Variants in WBP1L observed in about 807,000 individuals in gnomAD.
The protein encoded by WBP1L is WW domain binding protein 1 like, also known as WW domain binding protein 1-like.
A neutral mutation model predicts 33.7 loss-of-function variants in WBP1L; 17 were observed. That is an observed-to-expected ratio of 0.50 (90% CI 0.34 to 0.76). The LOEUF is 0.76. WBP1L is among the 30% of genes least tolerant of loss of function. The pLI is 0.01. For missense variants in WBP1L, 389 were observed against 469.4 expected, an observed-to-expected ratio of 0.83 and a Z score of 1.58; for synonymous variants, 173 against 190.8, an observed-to-expected ratio of 0.91 and a Z score of 0.77.
intron 1 of WBP1L, among the ~76,000 whole-genome samples, chr10:102,796,238 ATGT>A (rs1193919457): frequency 2.0e-5 from 3 of 152,100 alleles, no homozygotes; most frequent in Non-Finnish European, 4.4e-5. Flanking sequence ...TCTGCGTGCA[ATGT>A]TGTGAGGGCC....
chr10:102,798,806 T>C (rs973330315), intron 2 of WBP1L, among the ~76,000 whole-genome samples: 1 of 152,208 alleles, frequency 6.6e-6, no homozygotes, highest in African/African-American at 2.4e-5. Flanking sequence ...TGCCATTTTC[T>C]TGTAAGGACC....
chr10:102,800,981 T>G (rs542151897), intron 2 of WBP1L, among the ~76,000 whole-genome samples: 3 of 152,286 alleles, frequency 2.0e-5, no homozygotes, highest in East Asian at 3.9e-4. Flanking sequence ...AAAATGCCAT[T>G]TCTACCCACC....
In WBP1L at chr10:102,810,914, T is replaced by C. The variant is rs369437743; in HGVS notation, c.355+860T>C. On this transcript the variant is annotated intron_variant, in intron 3 of 3. Coordinates refer to ENST00000448841, the MANE Select transcript of WBP1L (RefSeq NM_001083913.2). Reference sequence around the variant, plus strand: ...TCCTTTCCCTCCCCTCCCCTCCCCTTCCTCTTTCTTTTCCTTTCTCTTTCT... The same window carrying C: ...TCCTTTCCCTCCCCTCCCCTCCCCTCCCTCTTTCTTTTCCTTTCTCTTTCT... 1.4e-3 allele frequency among the ~76,000 whole-genome samples: 175 copies of C among 126,104 alleles called. 1 individual carries two copies. Among genetic ancestry groups the C allele is most frequent in the African/African-American group, 4.7e-3 (158 of 33,294 alleles). 82.7% of individuals were successfully genotyped at this position (126,104 alleles called of 152,430 possible).
At chr10:102,799,258 G>C (rs1018749061) in intron 2 of WBP1L, among the ~76,000 whole-genome samples, 1 of 152,056 alleles carries the variant, frequency 6.6e-6, no homozygotes, top group Non-Finnish European at 1.5e-5. Flanking sequence ...CCCGGGAGGC[G>C]GAGGTTGCAG....
chr10:102,784,546 C>T (rs929456059), intron 1 of WBP1L, among the ~76,000 whole-genome samples: 2 of 151,444 alleles, frequency 1.3e-5, no homozygotes, highest in East Asian at 2.0e-4. Flanking sequence ...CTGCCCCAGC[C>T]TCCCAAGTAG....
intron 1 of WBP1L, among the ~76,000 whole-genome samples, chr10:102,769,356 C>CTTTTTTTTTTTTTTTTTTTTTT (rs376863934): frequency 7.4e-6 from 1 of 134,664 alleles, no homozygotes; most frequent in African/African-American, 2.6e-5. Flanking sequence ...TTTCTTTTTT[C>CTTTTTTTTTTTTTTTTTTTTTT]TTTCTTTTTT....
At position 102,813,429 on chromosome 10, in the gene WBP1L, C is replaced by T; in HGVS notation, c.*98C>T. On this transcript the variant is annotated 3_prime_UTR_variant, in exon 4 of 4. Transcript: ENST00000448841. Reference sequence around the variant, plus strand: ...GTGACTTTCAAAGACTTTCAGAGTACAGCCACTTGGTTCCTTTTTGTTTGT... The same window carrying T: ...GTGACTTTCAAAGACTTTCAGAGTATAGCCACTTGGTTCCTTTTTGTTTGT... 1.4e-6 allele frequency: 2 copies of T among 1,438,338 alleles called. No homozygotes were observed. The allele number at this position is 1,438,338 out of a possible 1,614,324, so 89.1% of individuals were successfully genotyped here.
At chr10:102,759,499 CT>C (rs1843013057) in intron 1 of WBP1L, among the ~76,000 whole-genome samples, 1 of 152,202 alleles carries the variant, frequency 6.6e-6, no homozygotes, top group South Asian at 2.1e-4. Flanking sequence ...CCTTCAGTCT[CT>C]TGCCTTGGCA....
intron 1 of WBP1L, among the ~76,000 whole-genome samples, chr10:102,768,871 G>T (rs1346113683): frequency 6.6e-6 from 1 of 151,398 alleles, no homozygotes; most frequent in Non-Finnish European, 1.5e-5. Context: ...GTATTTTTTA[G>T]TAGAGACGGG....
Position 102,776,327 on chromosome 10 carries a change from T to C in WBP1L, c.91-21666T>C, listed in dbSNP as rs1161345917. ...ACAGGCCCACCAGGGGCAATGCTCA[T>C]TCCAAGACCTTAACTTTTAAGAGCC... On this transcript the variant is annotated intron_variant, in intron 1 of 3. Transcript: ENST00000448841. 6.8e-6 allele frequency: 11 copies of C among 1,613,658 alleles called. No individual in the cohort carries two copies. The East Asian group carries it at 2.5e-4, about 36-fold the overall frequency.
intron 1 of WBP1L, among the ~76,000 whole-genome samples, chr10:102,778,026 A>G (rs1843289989): frequency 6.6e-6 from 1 of 152,188 alleles, no homozygotes. Context: ...TGGGAGCTGG[A>G]AAGACCTGCG....
At chr10:102,746,829 TACAATCTTTTTTTTACATGC>T (rs995030193) in intron 1 of WBP1L, among the ~76,000 whole-genome samples, 7 of 150,648 alleles carry the variant, frequency 4.6e-5, no homozygotes, top group Non-Finnish European at 8.8e-5. Context: ...CTACTTACAA[TACAATCTTTTTTTTACATGC>T]ACAATCTTTT....
intron 1 of WBP1L, among the ~76,000 whole-genome samples, chr10:102,748,607 A>T (rs144766498): frequency 8.5e-5 from 13 of 152,336 alleles, no homozygotes; most frequent in African/African-American, 3.1e-4. Context: ...GGCATCAAAG[A>T]ATGGACATTT....
At chr10:102,784,226 T>C (rs1446211713) in intron 1 of WBP1L, among the ~76,000 whole-genome samples, 1 of 152,100 alleles carries the variant, frequency 6.6e-6, no homozygotes, top group Non-Finnish European at 1.5e-5. Flanking sequence ...TACATACAAC[T>C]TAAAGAAAAA....
chr10:102,788,427 T>G (rs1373363544), intron 1 of WBP1L, among the ~76,000 whole-genome samples: 4 of 151,982 alleles, frequency 2.6e-5, no homozygotes, highest in Non-Finnish European at 4.4e-5. Context: ...ACTTTCTAAT[T>G]GTAAAAATAT....
In WBP1L at chr10:102,789,703, A is replaced by G. The variant is rs534633810; in HGVS notation, c.91-8290A>G. Reference sequence around the variant, plus strand: ...CCTTTGTCACTCTGCAGTTTCATACAGTGTACCTAGGTGTGGGCTTCTTAT... The same window carrying G: ...CCTTTGTCACTCTGCAGTTTCATACGGTGTACCTAGGTGTGGGCTTCTTAT... On this transcript the variant is annotated intron_variant, in intron 1 of 3. Transcript: ENST00000448841. 3.3e-5 allele frequency among the ~76,000 whole-genome samples: 5 copies of G among 151,196 alleles called. No homozygotes were observed. In the South Asian group the frequency reaches 1.0e-3, roughly 32 times the overall value.
chr10:102,760,378 T>TTCTTTC (rs112322962), intron 1 of WBP1L, among the ~76,000 whole-genome samples: 48 of 104,196 alleles, frequency 4.6e-4, no homozygotes, highest in African/African-American at 1.3e-3. Flanking sequence ...CTTTCTTTCT[T>TTCTTTC]TTTTTTTTTT....
chr10:102,778,369 C>T (rs917308754), intron 1 of WBP1L, among the ~76,000 whole-genome samples: 7 of 152,166 alleles, frequency 4.6e-5, no homozygotes, highest in African/African-American at 7.2e-5. Context: ...CTTACTCTAC[C>T]GAGACACTGT....
At chr10:102,751,246 C>T (rs569560018) in intron 1 of WBP1L, among the ~76,000 whole-genome samples, 7 of 152,206 alleles carry the variant, frequency 4.6e-5, no homozygotes, top group Non-Finnish European at 7.4e-5. Context: ...AGGCGATCTG[C>T]CCGACTTGGC....
Sources: gnomAD v4.1 joint callset for allele counts (sites outside exome capture counted in the v4.1 genomes callset) on GRCh38, gnomAD v4.1.1 for gene constraint, MANE v1.5 for transcripts, NCBI Gene and HGNC (gene_info 2026-07-23, HGNC 2026-07-21) for gene names.